GIPC1: variants seen among roughly 807,000 people sequenced by gnomAD.
GIPC1 encodes PDZ domain-containing protein GIPC1.
Under a neutral mutation model 28.5 loss-of-function variants are expected in GIPC1, and 15 were observed. The ratio of observed to expected loss-of-function variants is 0.53; its 90% CI spans 0.35 to 0.81. The LOEUF is 0.81. GIPC1 is among the 30% of genes least tolerant of loss of function. The pLI is 0.01. For missense variants in GIPC1, 439 were observed against 481.9 expected (o/e 0.91, Z 0.83); for synonymous variants, 224 against 206.1 (o/e 1.09, Z -0.74).
rs747232753 is a variant in GIPC1, at chr19:14,480,676, G to A, written c.391C>T (p.Arg131Cys). 5.0e-6 allele frequency: 8 copies of A among 1,614,002 alleles called. No individual in the cohort carries two copies. The highest frequency in any genetic ancestry group is 1.3e-5 in the African/African-American group (1 of 74,920). Residue 131 changes from arginine (R) to cysteine (C), a missense_variant, in exon 5 of 9, where the codon CGC becomes TGC. Physicochemically the swap from Arg to Cys is radical, Grantham distance 180. Transcript: ENST00000393033. ...GACTTGAACACCTCCACCTCCTTGC[G>A]CTGCCCCTTCACGTGGGCGAAGATG... is the stretch of plus-strand genomic sequence containing the variant. Reference protein sequence around the residue: ...DFIFAHVKGQRKEVEVFKSED... With the variant: ...DFIFAHVKGQCKEVEVFKSED...
Position 14,478,819 on chromosome 19 carries a change from T to C in GIPC1, c.769-54A>G. ...ATCATAACAATGTGAATATACATAGTAATTGGACGGACTGCCATTGTCACC... is the reference window on the plus strand; with the variant it reads ...ATCATAACAATGTGAATATACATAGCAATTGGACGGACTGCCATTGTCACC... On this transcript the variant is annotated intron_variant, in intron 7 of 8. Coordinates refer to ENST00000393033, the MANE Select transcript of GIPC1 (RefSeq NM_005716.4). This position sits in a 1 kb window ranked among gnomAD's most constrained non-coding sequence, Gnocchi z 5.2. The C allele has an allele frequency of 1.5e-6, 2 of 1,293,816 alleles. No homozygotes were observed. Among genetic ancestry groups the C allele is most frequent in the Non-Finnish European group, 2.3e-6 (2 of 888,510 alleles). The allele number at this position is 1,293,816 out of a possible 1,614,324, so 80.1% of individuals were successfully genotyped here.
At chr19:14,495,172 G>A (rs2072049423) in intron 1 of GIPC1, among the ~76,000 whole-genome samples, 1 of 152,180 alleles carries the variant, frequency 6.6e-6, no homozygotes, top group African/African-American at 2.4e-5. Context: ...CTGGCCCCCT[G>A]CAGACGCCAC....
At chr19:14,494,246 T>C (rs8113574) in intron 1 of GIPC1, among the ~76,000 whole-genome samples, 126,887 of 152,006 alleles carry the variant, frequency 0.83, 53,263 homozygotes, top group Middle Eastern at 0.88. Context: ...GGGTGAGCCA[T>C]GCCCCTAGCC....
At chr19:14,494,338 C>A (rs1395748074) in intron 1 of GIPC1, among the ~76,000 whole-genome samples, 1 of 150,560 alleles carries the variant, frequency 6.6e-6, no homozygotes, top group Non-Finnish European at 1.5e-5. Flanking sequence ...GCAACCCACC[C>A]GCCTCGGCCT....
intron 6 of GIPC1, chr19:14,479,870 A>G (rs2071687016): frequency 2.7e-6 from 1 of 363,702 alleles, no homozygotes; most frequent in East Asian, 5.2e-5. Context: ...CCAAGGGGGT[A>G]TGGCTGCTGG....
chr19:14,482,829 G>C lies in GIPC1; in HGVS notation c.148C>G (p.Pro50Ala), dbSNP rs760869584. 6.3e-6 allele frequency: 10 copies of C among 1,579,372 alleles called. No individual in the cohort carries two copies. The highest frequency in any genetic ancestry group is 2.3e-5 in the East Asian group (1 of 43,338). The change falls in exon 4 of 9, where the codon CCT (proline) becomes GCT (alanine). Residue 50 changes from proline to alanine, a missense_variant. Coordinates refer to ENST00000393033, the MANE Select transcript of GIPC1 (RefSeq NM_005716.4). ...AGGCGGGGCCGCAGGGCTGGGGGAG[G>C]GGGGGGCAAGCCCATTTGGGGGCCC... ...SGGPQMGLPP[P>A]PPALRPRLVF...
intron 1 of GIPC1, among the ~76,000 whole-genome samples, chr19:14,494,666 A>C (rs1239659121): frequency 6.6e-6 from 1 of 152,152 alleles, no homozygotes; most frequent in Non-Finnish European, 1.5e-5. Context: ...AGACTGAGTG[A>C]ATGAATGTGT....
chr19:14,494,175 G>T (rs1476341976), intron 1 of GIPC1, among the ~76,000 whole-genome samples: 1 of 151,992 alleles, frequency 6.6e-6, no homozygotes, highest in Non-Finnish European at 1.5e-5. Context: ...GATCAGGCTG[G>T]TCTCAAACTC....
At chr19:14,485,171 A>G (rs917728361) in intron 3 of GIPC1, among the ~76,000 whole-genome samples, 1 of 151,704 alleles carries the variant, frequency 6.6e-6, no homozygotes, top group African/African-American at 2.4e-5. Flanking sequence ...AAAAAAAATA[A>G]TAAAAATAAA....
At chr19:14,491,983 G>A (rs1415030517) in intron 2 of GIPC1, among the ~76,000 whole-genome samples, 2 of 152,034 alleles carry the variant, frequency 1.3e-5, no homozygotes, top group Non-Finnish European at 2.9e-5. Flanking sequence ...CAGGAGAATG[G>A]CATGAACCCG....
chr19:14,479,683 A>G, intron 6 of GIPC1, 159 bp from the exon 7 acceptor site: 1 of 451,484 alleles, frequency 2.2e-6, no homozygotes. Flanking sequence ...GAGGGCAGGA[A>G]TCCTGACTCA....
intron 3 of GIPC1, among the ~76,000 whole-genome samples, 154 bp downstream of exon 3, chr19:14,491,502 G>A (rs1327691541): frequency 2.6e-5 from 4 of 151,670 alleles, no homozygotes; most frequent in East Asian, 2.0e-4. Flanking sequence ...CAGGTGATTC[G>A]CCCACCTTGG....
chr19:14,482,893 G>A lies in GIPC1; in HGVS notation c.84C>T (p.Gly28=), dbSNP rs746994244. 1.2e-5 allele frequency: 19 copies of A among 1,595,322 alleles called. No homozygotes were observed. The highest frequency in any genetic ancestry group is 9.4e-5 in the African/African-American group (7 of 74,602). The change falls in exon 4 of 9, where the codon GGC becomes GGT. Residue 28 remains glycine (G), a synonymous_variant. Coordinates refer to ENST00000393033, the MANE Select transcript of GIPC1 (RefSeq NM_005716.4). ...CGCCCAGAGGCCCTGGCTCCCCCAC[G>A]CCCAGCCCTCCACGGCCTGGCTCAG... ...EEAEPGRGGL[G]VGEPGPLGGG... is the part of the protein sequence containing the mutation.
In GIPC1 at chr19:14,480,022, T is replaced by G. The variant is rs2071690033; in HGVS notation, c.655+283A>C. 5.3e-6 allele frequency: 3 copies of G among 565,522 alleles called. No individual in the cohort carries two copies. The East Asian group carries it at 9.1e-5, about 17-fold the overall frequency. The allele number at this position is 565,522 out of a possible 1,614,324, so 35.0% of individuals were successfully genotyped here. On this transcript the variant is annotated intron_variant, in intron 6 of 8. Transcript: ENST00000393033. ...CACTGAGCAGTCAAGCCTGGCCTGT[T>G]GGGGATAGGGGGCTGGCCAGGGCTG...
At chr19:14,482,417 C>T (rs1218523366) in intron 4 of GIPC1, 1 of 560,948 alleles carries the variant, frequency 1.8e-6, no homozygotes, top group East Asian at 3.1e-5. Context: ...CATCAGCTCC[C>T]ACAATCCACT....
At chr19:14,486,709 TTTC>T (rs761309302) in intron 3 of GIPC1, among the ~76,000 whole-genome samples, 24 of 123,878 alleles carry the variant, frequency 1.9e-4, no homozygotes, top group South Asian at 1.7e-3. Flanking sequence ...GCTTTCTTTC[TTTC>T]TTTTTTTTTT....
chr19:14,480,365 T>C lies in GIPC1; in HGVS notation c.595A>G (p.Lys199Glu), dbSNP rs1264325955. 1 of 1,612,358 alleles carries C rather than the reference T, an allele frequency of 6.2e-7. No homozygotes were observed. Among genetic ancestry groups the C allele is most frequent in the Non-Finnish European group, 8.5e-7 (1 of 1,179,842 alleles). Residue 199 changes from lysine to glutamate, a missense_variant, in exon 6 of 9, where the codon AAG (lysine) becomes GAG (glutamate). Physicochemically the swap from Lys to Glu is moderately conservative, Grantham distance 56. Transcript: ENST00000393033. ...CRHYEVARLL[K>E]ELPRGRTFTL... Reference sequence around the variant, plus strand: ...AAGGTACGGCCTCGGGGCAGCTCCTTGAGCAGCCGGGCCACCTCGTAGTGC... The same window carrying C: ...AAGGTACGGCCTCGGGGCAGCTCCTCGAGCAGCCGGGCCACCTCGTAGTGC...
chr19:14,495,763 C>G (rs988818288), intron 1 of GIPC1, among the ~76,000 whole-genome samples: 1 of 152,098 alleles, frequency 6.6e-6, no homozygotes, highest in African/African-American at 2.4e-5. Context: ...TGGGGACAGT[C>G]CAGCCGGGGG....
chr19:14,486,766 C>T (rs569488862), intron 3 of GIPC1, among the ~76,000 whole-genome samples: 10 of 136,926 alleles, frequency 7.3e-5, no homozygotes, highest in African/African-American at 2.7e-4. Flanking sequence ...AGCAGCAGTG[C>T]AGTGGTGCGA....
Sources: allele counts gnomAD v4.1 joint callset (sites outside exome capture counted in the v4.1 genomes callset), GRCh38; gene constraint gnomAD v4.1.1; non-coding constraint Gnocchi (gnomAD v3.1); transcripts MANE v1.5; gene names NCBI Gene and HGNC (gene_info 2026-07-23, HGNC 2026-07-21).